The following CPOX variants were observed in gnomAD, a reference collection of about 807,000 sequenced individuals.
The protein encoded by CPOX is coproporphyrinogen oxidase.
A neutral mutation model predicts 48.9 loss-of-function variants in CPOX; 24 were observed. That is an observed-to-expected ratio of 0.49 (90% CI 0.36 to 0.69). The LOEUF (loss-of-function observed/expected upper bound fraction) is 0.69, where lower values mean the gene tolerates loss of function less well. Ranked by LOEUF, CPOX falls within the 30% of genes least tolerant of loss-of-function variation. The pLI, the probability that CPOX is intolerant of heterozygous loss-of-function variation, is 0.00. For synonymous variants in CPOX, 249 were observed against 234.6 expected, an observed-to-expected ratio of 1.06 and a Z score of -0.56; for missense variants, 549 against 597.3, an observed-to-expected ratio of 0.92 and a Z score of 0.84.
rs764599133 is a variant in CPOX, at chr3:98,593,191, G to A, written c.314C>T (p.Thr105Ile). Reference protein sequence around the residue: ...HVQRAEMLPKTSGTRATSLGR... With the variant: ...HVQRAEMLPKISGTRATSLGR... ...CAGCGAAGTGGCCCGCGTCCCCGAG[G>A]TCTTAGGCAACATCTCCGCCCGCTG... Residue 105 changes from threonine to isoleucine, a missense_variant, in exon 1 of 7, where the codon ACC (threonine) becomes ATC (isoleucine). Around this residue, in one of 2 missense-constraint regions of CPOX, gnomAD observed 336 missense variants for 318.1 expected, o/e 1.06. Coordinates refer to ENST00000647941, the MANE Select transcript of CPOX (RefSeq NM_000097.7). The A allele has an allele frequency of 1.2e-6, 2 of 1,604,396 alleles. No individual in the cohort carries two copies. Among genetic ancestry groups the A allele is most frequent in the South Asian group, 1.1e-5 (1 of 90,328 alleles).
chr3:98,587,688 T>C (rs1043005079), intron 4 of CPOX, among the ~76,000 whole-genome samples: 1 of 151,904 alleles, frequency 6.6e-6, no homozygotes, highest in East Asian at 1.9e-4. Flanking sequence ...CTCTTAATAC[T>C]GCCAGATTGG....
At chr3:98,588,608 G>T (rs1480054211) in intron 4 of CPOX, 105 bp downstream of exon 4, 3 of 1,210,814 alleles carry the variant, frequency 2.5e-6, no homozygotes, top group Non-Finnish European at 3.7e-6. Flanking sequence ...AAGAAAACTA[G>T]TTCCATTTTC....
chr3:98,578,179 G>C (rs1037709169), downstream of CPOX: 1 of 774,330 alleles, frequency 1.3e-6, no homozygotes, highest in African/African-American at 1.9e-5. Flanking sequence ...AATTCACTTT[G>C]AATAACAGTA....
intron 5 of CPOX, among the ~76,000 whole-genome samples, chr3:98,584,884 T>C (rs1355862727): frequency 6.6e-6 from 1 of 152,190 alleles, no homozygotes; most frequent in Admixed American, 6.5e-5. Flanking sequence ...TTGAGGTCAT[T>C]TTGACCCAGT....
At chr3:98,584,722 G>A (rs1023433687) in intron 5 of CPOX, among the ~76,000 whole-genome samples, 1 of 152,310 alleles carries the variant, frequency 6.6e-6, no homozygotes, top group Middle Eastern at 3.4e-3. Context: ...GGATTTACAA[G>A]TACACCGTGG....
chr3:98,588,649 T>C (rs941482094), intron 4 of CPOX, 64 bp downstream of exon 4: 41 of 1,552,248 alleles, frequency 2.6e-5, no homozygotes, highest in Middle Eastern at 3.4e-4. Context: ...AGTGACATAA[T>C]AGTTGCCTTC....
In CPOX at chr3:98,593,208, C is replaced by G; in HGVS notation, c.297G>C (p.Ala99=). ...ATAAFGHVQR[A]EMLPKTSGTR... Reference sequence around the variant, plus strand: ...TCCCCGAGGTCTTAGGCAACATCTCCGCCCGCTGCACATGCCCGAAGGCGG... The same window carrying G: ...TCCCCGAGGTCTTAGGCAACATCTCGGCCCGCTGCACATGCCCGAAGGCGG... The change falls in exon 1 of 7, where the codon GCG becomes GCC. Residue 99 remains alanine (A), a synonymous_variant. Coordinates refer to ENST00000647941, the MANE Select transcript of CPOX (RefSeq NM_000097.7). 2.5e-6 allele frequency: 4 copies of G among 1,591,170 alleles called. No individual in the cohort carries two copies. The highest frequency in any genetic ancestry group is 3.4e-6 in the Non-Finnish European group (4 of 1,169,218).
chr3:98,586,667 G>A (rs1003468194), intron 4 of CPOX, among the ~76,000 whole-genome samples: 11 of 151,842 alleles, frequency 7.2e-5, no homozygotes, highest in African/African-American at 2.2e-4. Context: ...TTCCTGGGCC[G>A]GACGCGGTGG....
downstream of CPOX, among the ~76,000 whole-genome samples, chr3:98,577,362 G>C (rs1559671917): frequency 6.6e-6 from 1 of 152,206 alleles, no homozygotes; most frequent in African/African-American, 2.4e-5. Flanking sequence ...ATTCTGAAGA[G>C]AGGGAAAGGT....
At chr3:98,584,402 T>TACATGC (rs1707318292) in intron 5 of CPOX, among the ~76,000 whole-genome samples, 1 of 152,194 alleles carries the variant, frequency 6.6e-6, no homozygotes, top group African/African-American at 2.4e-5. Context: ...TGTTCCAAAA[T>TACATGC]ACATGCATTC....
In CPOX at chr3:98,593,316, C is replaced by A; in HGVS notation, c.189G>T (p.Gly63=). The A allele has an allele frequency of 7.0e-7, 1 of 1,435,640 alleles. No homozygotes were observed. Among genetic ancestry groups the A allele is most frequent in the Non-Finnish European group, 9.1e-7 (1 of 1,102,884 alleles). 88.9% of individuals were successfully genotyped at this position (1,435,640 alleles called of 1,614,324 possible). A position where few individuals can be genotyped will look rare whatever the true frequency, so the allele number is the denominator to read the frequency against. Residue 63 remains glycine, a synonymous_variant, in exon 1 of 7, where the codon GGG becomes GGT. Transcript: ENST00000647941. The part of the protein sequence containing the change: ...PAGTEQSRGL[G]HGSTSRGGPW... ...GGCCGCCTCTCGACGTCGAGCCGTG[C>A]CCCAGCCCGCGGCTCTGCTCCGTGC... is the stretch of plus-strand genomic sequence containing the variant.
intron 4 of CPOX, among the ~76,000 whole-genome samples, 154 bp downstream of exon 4, chr3:98,588,559 A>G (rs899338622): frequency 6.6e-6 from 1 of 152,236 alleles, no homozygotes; most frequent in Non-Finnish European, 1.5e-5. Context: ...TAATACAACC[A>G]CTTAAAACCA....
Position 98,580,806 on chromosome 3 carries a change from A to G in CPOX, c.1278-36T>C, listed in dbSNP as rs780179289. Reference sequence around the variant, plus strand: ...CCAAAACAAAAGCAAAAAACGTCATAAAAAATGACACACATACCTCTTTAC... The same window carrying G: ...CCAAAACAAAAGCAAAAAACGTCATGAAAAATGACACACATACCTCTTTAC... On this transcript the variant is annotated intron_variant, in intron 6 of 6. Coordinates refer to ENST00000647941, the MANE Select transcript of CPOX (RefSeq NM_000097.7). 54 of 1,611,654 alleles carry G rather than the reference A, an allele frequency of 3.4e-5. No individual in the cohort carries two copies. In the East Asian group the frequency reaches 1.2e-3, roughly 35 times the overall value.
the CPOX span, among the ~76,000 whole-genome samples, chr3:98,573,443 CCTT>C: frequency 5.8e-4 from 89 of 152,248 alleles, 1 homozygote; most frequent in Non-Finnish European, 1.0e-3. Context: ...TCATTTCCCT[CCTT>C]CTTTGCCTCT....
chr3:98,581,593 G>A, intron 5 of CPOX, 82 bp from the exon 6 acceptor site: 1 of 1,161,284 alleles, frequency 8.6e-7, no homozygotes, highest in Non-Finnish European at 1.3e-6. Flanking sequence ...TTAAAAAGGG[G>A]TGGGTTCTTC....
At chr3:98,571,650 T>C in the CPOX span, among the ~76,000 whole-genome samples, 1 of 139,196 alleles carries the variant, frequency 7.2e-6, no homozygotes, top group Non-Finnish European at 1.5e-5. Context: ...ATCCCGCCAC[T>C]GCACTCCAGC....
chr3:98,574,316 A>G, the CPOX span, among the ~76,000 whole-genome samples: 2 of 152,192 alleles, frequency 1.3e-5, no homozygotes, highest in African/African-American at 4.8e-5. Context: ...CACAGCAACG[A>G]TGGCTTGTCT....
At chr3:98,571,691 AAAAAAAAG>A in the CPOX span, among the ~76,000 whole-genome samples, 1 of 137,434 alleles carries the variant, frequency 7.3e-6, no homozygotes, top group African/African-American at 2.8e-5. Flanking sequence ...CCGTCTCAAA[AAAAAAAAG>A]AAAAAAGAAA....
At chr3:98,582,554 G>A (rs979576839) in intron 5 of CPOX, among the ~76,000 whole-genome samples, 31 of 150,862 alleles carry the variant, frequency 2.1e-4, no homozygotes, top group African/African-American at 7.1e-4. Flanking sequence ...GTGCAGTGGC[G>A]CAATCTCAGC....
Sources: allele counts gnomAD v4.1 joint callset (sites outside exome capture counted in the v4.1 genomes callset), GRCh38; gene constraint gnomAD v4.1.1; regional missense constraint gnomAD v4.1.1; transcripts MANE v1.5; gene names NCBI Gene and HGNC (gene_info 2026-07-23, HGNC 2026-07-21).